Variants in PTGER4 observed in about 807,000 individuals in gnomAD.
PTGER4 encodes prostaglandin E receptor 4.
In PTGER4, 11 loss-of-function variants were observed where a neutral mutation model predicts 33.2. The observed-to-expected ratio is 0.33, with a 90% CI of 0.21 to 0.55. The LOEUF (loss-of-function observed/expected upper bound fraction) is 0.55, where lower values mean the gene tolerates loss of function less well. Among genes scored for constraint, PTGER4 ranks in the 20% least tolerant of loss-of-function variants. PTGER4 has a pLI of 0.92. For synonymous variants in PTGER4, 275 were observed against 281.5 expected (o/e 0.98, Z 0.23); for missense variants, 481 against 650.2 (o/e 0.74, Z 2.83).
downstream of PTGER4, among the ~76,000 whole-genome samples, chr5:40,698,554 T>C (rs1026272687): frequency 6.6e-6 from 1 of 152,152 alleles, no homozygotes. Context: ...AAATATACTG[T>C]TCTTGGGAAT....
At chr5:40,733,219 T>C in the PTGER4 span, among the ~76,000 whole-genome samples, 110 of 152,220 alleles carry the variant, frequency 7.2e-4, no homozygotes, top group Non-Finnish European at 1.4e-3. Flanking sequence ...CTTAAGAACC[T>C]GGATGTTTGA....
At chr5:40,742,432 G>C in the PTGER4 span, among the ~76,000 whole-genome samples, 1 of 152,170 alleles carries the variant, frequency 6.6e-6, no homozygotes, top group Non-Finnish European at 1.5e-5. Flanking sequence ...CATTGAGGTA[G>C]ATATTTTCTG....
the PTGER4 span, among the ~76,000 whole-genome samples, chr5:40,726,587 C>A: frequency 6.8e-6 from 1 of 146,032 alleles, no homozygotes. Flanking sequence ...AAGAATTTCA[C>A]AGTATTAATG....
chr5:40,728,295 AG>A, the PTGER4 span: 16 of 1,240,554 alleles, frequency 1.3e-5, no homozygotes, highest in African/African-American at 2.5e-4. Flanking sequence ...AAAAAAAAAA[AG>A]TCAAAATATA....
chr5:40,739,174 A>ATT, the PTGER4 span, among the ~76,000 whole-genome samples: 1 of 152,232 alleles, frequency 6.6e-6, no homozygotes, highest in Non-Finnish European at 1.5e-5. Context: ...AAGGACTTAA[A>ATT]TTAAGTAATA....
At chr5:40,722,748 C>G in the PTGER4 span, among the ~76,000 whole-genome samples, 1 of 151,570 alleles carries the variant, frequency 6.6e-6, no homozygotes, top group Non-Finnish European at 1.5e-5. Context: ...CAGCCCCTGC[C>G]CGGCCAGACG....
At chr5:40,731,690 G>C in the PTGER4 span, among the ~76,000 whole-genome samples, 1 of 152,140 alleles carries the variant, frequency 6.6e-6, no homozygotes, top group Non-Finnish European at 1.5e-5. Context: ...CTTGACACGG[G>C]GATTATTACA....
the PTGER4 span, among the ~76,000 whole-genome samples, chr5:40,731,573 C>A: frequency 6.6e-6 from 1 of 152,198 alleles, no homozygotes. Context: ...GCTGAGCAAA[C>A]AGGGAAGCCC....
the PTGER4 span, among the ~76,000 whole-genome samples, chr5:40,717,791 C>A: frequency 1.3e-5 from 2 of 152,288 alleles, no homozygotes; most frequent in East Asian, 3.9e-4. Context: ...CGGCCAGGCA[C>A]CATGGCTCAC....
chr5:40,713,893 A>G, the PTGER4 span, among the ~76,000 whole-genome samples: 2 of 152,164 alleles, frequency 1.3e-5, no homozygotes, highest in Non-Finnish European at 2.9e-5. Context: ...TAATGGGTGC[A>G]TTTTTCTCTT....
the PTGER4 span, among the ~76,000 whole-genome samples, chr5:40,728,980 G>A: frequency 6.6e-6 from 1 of 152,180 alleles, no homozygotes; most frequent in African/African-American, 2.4e-5. Flanking sequence ...TAGGGTTAGG[G>A]TTAGGGTTAG....
the PTGER4 span, among the ~76,000 whole-genome samples, chr5:40,735,905 T>C: frequency 6.6e-6 from 1 of 152,184 alleles, no homozygotes; most frequent in African/African-American, 2.4e-5. Flanking sequence ...GACAGAAATA[T>C]GACTGGATGG....
chr5:40,686,708 T>A (rs1348133536), intron 2 of PTGER4, among the ~76,000 whole-genome samples: 1 of 152,088 alleles, frequency 6.6e-6, no homozygotes, highest in East Asian at 1.9e-4. Context: ...TAATCTCTAA[T>A]CATCCTAAAA....
At chr5:40,688,337 G>C (rs1741380554) in intron 2 of PTGER4, among the ~76,000 whole-genome samples, 1 of 152,262 alleles carries the variant, frequency 6.6e-6, no homozygotes, top group South Asian at 2.1e-4. Flanking sequence ...CTGCCACCTG[G>C]AGGCTTGAAG....
At position 40,681,491 on chromosome 5, in the gene PTGER4, A is replaced by C. The variant is rs2111783294; in HGVS notation, c.498A>C (p.Pro166=). Reference sequence around the variant, plus strand: ...TCGGTAGCTCGCGGCTGCAGTACCCAGACACCTGGTGCTTCATCGACTGGA... The same window carrying C: ...TCGGTAGCTCGCGGCTGCAGTACCCCGACACCTGGTGCTTCATCGACTGGA... ...MGLGSSRLQY[P]DTWCFIDWTT... is the part of the protein sequence containing the mutation. Residue 166 remains proline (P), a synonymous_variant, in exon 2 of 3, where the codon CCA becomes CCC. Coordinates refer to ENST00000302472, the MANE Select transcript of PTGER4 (RefSeq NM_000958.3). The surrounding 1 kb of genome is among the most constrained non-coding windows in gnomAD (Gnocchi z 9.8). 6.2e-7 allele frequency: 1 copy of C among 1,613,490 alleles called. No homozygotes were observed. The highest frequency in any genetic ancestry group is 8.5e-7 in the Non-Finnish European group (1 of 1,180,030).
the PTGER4 span, among the ~76,000 whole-genome samples, chr5:40,731,646 C>T: frequency 6.6e-6 from 1 of 152,142 alleles, no homozygotes; most frequent in Non-Finnish European, 1.5e-5. Context: ...CAGAAACTGC[C>T]GCCATAATTC....
chr5:40,686,301 T>A (rs1219729759), intron 2 of PTGER4, among the ~76,000 whole-genome samples: 4 of 152,246 alleles, frequency 2.6e-5, no homozygotes, highest in African/African-American at 9.6e-5. Context: ...AATCAAGAGT[T>A]CAACATTCTT....
chr5:40,695,717 G>T (rs1431586932), downstream of PTGER4, among the ~76,000 whole-genome samples: 2 of 151,940 alleles, frequency 1.3e-5, no homozygotes, highest in Non-Finnish European at 2.9e-5. Context: ...TCGGAAAAAA[G>T]AAAAAAATGG....
chr5:40,739,745 T>G, the PTGER4 span, among the ~76,000 whole-genome samples: 696 of 152,306 alleles, frequency 4.6e-3, 4 homozygotes, highest in African/African-American at 0.016. Context: ...TTTTCATAAA[T>G]TATCCAGTCT....
Sources: allele counts gnomAD v4.1 joint callset (sites outside exome capture counted in the v4.1 genomes callset), GRCh38; gene constraint gnomAD v4.1.1; non-coding constraint Gnocchi (gnomAD v3.1); transcripts MANE v1.5; gene names NCBI Gene and HGNC (gene_info 2026-07-23, HGNC 2026-07-21).